Variants in CFAP43 observed in about 807,000 individuals in gnomAD.
CFAP43 encodes the protein cilia- and flagella-associated protein 43.
CFAP43 carries 155 observed loss-of-function variants against 218.9 expected under a neutral mutation model. The ratio of observed to expected loss-of-function variants is 0.71; its 90% CI spans 0.62 to 0.81. The LOEUF (loss-of-function observed/expected upper bound fraction) is 0.81, where lower values mean the gene tolerates loss of function less well. CFAP43 is among the 30% of genes least tolerant of loss of function. CFAP43 has a pLI of 0.00. For missense variants in CFAP43, 1,778 were observed against 1,954.3 expected (o/e 0.91, Z 1.70); for synonymous variants, 645 against 681.3 (o/e 0.95, Z 0.83).
chr10:104,132,623 C>CA (rs2087252096), intron 35 of CFAP43: 4 of 984,822 alleles, frequency 4.1e-6, no homozygotes, highest in Middle Eastern at 5.2e-4. Context: ...TCAAAAAAAA[C>CA]AAAAAAAGAT....
chr10:104,182,225 A>G, intron 17 of CFAP43, 141 bp downstream of exon 17: 2 of 884,266 alleles, frequency 2.3e-6, no homozygotes, highest in South Asian at 4.6e-5. Flanking sequence ...GACGTAGCTT[A>G]TTCCCTTTTT....
At chr10:104,227,431 T>A (rs540230075) in intron 2 of CFAP43, among the ~76,000 whole-genome samples, 1 of 152,370 alleles carries the variant, frequency 6.6e-6, no homozygotes, top group South Asian at 2.1e-4. Flanking sequence ...CACTGCATTC[T>A]ACCTAGCAAT....
intron 22 of CFAP43, 59 bp from the exon 23 acceptor site, chr10:104,166,777 A>G: frequency 7.0e-7 from 1 of 1,418,706 alleles, no homozygotes. Context: ...TCTAAAGGGA[A>G]ATTTTGTGAC....
intron 7 of CFAP43, among the ~76,000 whole-genome samples, chr10:104,205,422 T>A (rs1321145451): frequency 6.6e-6 from 1 of 152,100 alleles, no homozygotes; most frequent in Non-Finnish European, 1.5e-5. Flanking sequence ...ATGTCAATAG[T>A]TTCTATTTGA....
At position 104,192,242 on chromosome 10, in the gene CFAP43, G is replaced by A; in HGVS notation, c.1503C>T (p.Ile501=). The change falls in exon 12 of 38, where the codon ATC becomes ATT. Residue 501 remains isoleucine (I), a synonymous_variant. Transcript: ENST00000357060. The part of the protein sequence containing the change: ...VGTAEGKVFI[I]NANSSSSFQI... ...GAAATGAGCTTGAGGAGTTGGCATT[G>A]ATAATAAAGACTTTTCCTTCTGCTG... 6.2e-7 allele frequency: 1 copy of A among 1,613,066 alleles called. No individual in the cohort carries two copies. The highest frequency in any genetic ancestry group is 2.2e-5 in the East Asian group (1 of 44,766).
intron 6 of CFAP43, among the ~76,000 whole-genome samples, 181 bp from the exon 7 acceptor site, chr10:104,206,211 T>C (rs1247014442): frequency 6.6e-6 from 1 of 151,994 alleles, no homozygotes; most frequent in Non-Finnish European, 1.5e-5. Flanking sequence ...CTGGAGGGTA[T>C]AGTAGGAGTA....
At chr10:104,136,637 G>T (rs958974087) in intron 34 of CFAP43, among the ~76,000 whole-genome samples, 2 of 152,056 alleles carry the variant, frequency 1.3e-5, no homozygotes, top group Non-Finnish European at 2.9e-5. Flanking sequence ...AAAGTGCTGG[G>T]ATTACAGGCA....
At chr10:104,205,212 CAAAAAA>C (rs71022723) in intron 7 of CFAP43, among the ~76,000 whole-genome samples, 3 of 56,572 alleles carry the variant, frequency 5.3e-5, no homozygotes, top group Non-Finnish European at 6.8e-5. Flanking sequence ...GACTCCGTCT[CAAAAAA>C]AAAAAAAAAA....
chr10:104,216,223 C>A (rs2091008050), intron 3 of CFAP43, among the ~76,000 whole-genome samples: 1 of 152,208 alleles, frequency 6.6e-6, no homozygotes, highest in African/African-American at 2.4e-5. Context: ...TCCACAGATA[C>A]CTGCCTTCAT....
At chr10:104,196,302 T>C (rs1171323447) in intron 10 of CFAP43, among the ~76,000 whole-genome samples, 1 of 152,246 alleles carries the variant, frequency 6.6e-6, no homozygotes, top group African/African-American at 2.4e-5. Flanking sequence ...AATTTTTGGC[T>C]TAAGCTGGTT....
chr10:104,186,040 T>C lies in CFAP43; in HGVS notation c.1944A>G (p.Ser648=), dbSNP rs1410988388. ...QYGPGLLYLS[S]HGLWLITIAK... is the part of the protein sequence containing the mutation. The stretch of plus-strand genomic sequence containing the variant: ...CTATTGTTATGAGCCACAATCCATG[T>C]GAAGACAGATAGAGCAGTCCAGGTC... Residue 648 remains serine (S), a synonymous_variant, in exon 15 of 38, where the codon TCA becomes TCG. Transcript: ENST00000357060. The C allele has an allele frequency of 6.2e-7, 1 of 1,610,920 alleles. No individual in the cohort carries two copies. Among genetic ancestry groups the C allele is most frequent in the African/African-American group, 1.3e-5 (1 of 74,810 alleles).
chr10:104,185,128 G>T lies in CFAP43; in HGVS notation c.2029C>A (p.Arg677=). Residue 677 remains arginine, a synonymous_variant, in exon 16 of 38, where the codon CGG becomes AGG. Coordinates refer to ENST00000357060, the MANE Select transcript of CFAP43 (RefSeq NM_025145.7). ...VYTLETFAWC[R]SHSHQGHGIQ... ...CCATGACCCTGGTGAGAATGACTCC[G>T]ACACCAAGCAAATGTTTCCTCAATA... The T allele has an allele frequency of 1.2e-6, 2 of 1,613,720 alleles. No individual in the cohort carries two copies. Among genetic ancestry groups the T allele is most frequent in the South Asian group, 2.2e-5 (2 of 91,008 alleles).
Position 104,152,727 on chromosome 10 carries a change from C to G in CFAP43, c.3541-1G>C. The stretch of plus-strand genomic sequence containing the variant: ...GTTTCTTCAGTTCTGCTTCTAATGA[C>G]TAAAAGGAAAACAATAGTAAAGTTA... On this transcript the variant is annotated splice_acceptor_variant, in intron 27 of 37. Coordinates refer to ENST00000357060, the MANE Select transcript of CFAP43 (RefSeq NM_025145.7). LOFTEE classifies it high-confidence loss of function. 1 of 1,605,642 alleles carries G rather than the reference C, an allele frequency of 6.2e-7. No homozygotes were observed. Among genetic ancestry groups the G allele is most frequent in the Non-Finnish European group, 8.5e-7 (1 of 1,177,894 alleles).
chr10:104,160,425 G>A (rs2088810100), intron 27 of CFAP43, among the ~76,000 whole-genome samples: 1 of 152,188 alleles, frequency 6.6e-6, no homozygotes, highest in Non-Finnish European at 1.5e-5. Context: ...TTGAATGATG[G>A]TATGACTTTA....
At position 104,143,867 on chromosome 10, in the gene CFAP43, A is replaced by G. The variant is rs1295339847; in HGVS notation, c.3945-228T>C. ...GGCTAGACTACAGATGTCTCCAACT[A>G]TTGTCAGCACTGACAGACAATTGTG... On this transcript the variant is annotated intron_variant, in intron 31 of 37. Transcript: ENST00000357060. Among the ~76,000 whole-genome samples the G allele has an allele frequency of 3.3e-5, 5 of 152,146 alleles. No individual in the cohort carries two copies. The South Asian group carries it at 8.3e-4, about 25-fold the overall frequency.
rs1443286739 is a variant in CFAP43, at chr10:104,162,255, T to C, written c.3333+62A>G. 4.0e-6 allele frequency: 6 copies of C among 1,503,624 alleles called. No homozygotes were observed. The South Asian group carries it at 4.5e-5, about 11-fold the overall frequency. 93.1% of individuals were successfully genotyped at this position (1,503,624 alleles called of 1,614,324 possible). A position where few individuals can be genotyped will look rare whatever the true frequency, so the allele number is the denominator to read the frequency against. ...GTGTTGATGGGTTATTAAACCAAAC[T>C]AGGAAGCAGTATCCCTAAAGCAAAG... On this transcript the variant is annotated intron_variant, in intron 25 of 37. Transcript: ENST00000357060.
intron 22 of CFAP43, 170 bp downstream of exon 22, chr10:104,167,451 G>A (rs76781959): frequency 0.015 from 6,202 of 423,428 alleles, 62 homozygotes; most frequent in Middle Eastern, 0.025. Flanking sequence ...TTATTGTGTG[G>A]ATATAGGCTC....
intron 16 of CFAP43, among the ~76,000 whole-genome samples, chr10:104,183,637 C>A (rs989046802): frequency 6.6e-6 from 1 of 152,164 alleles, no homozygotes; most frequent in Non-Finnish European, 1.5e-5. Flanking sequence ...GATCCACCCG[C>A]CTCAGCCTCC....
chr10:104,208,165 G>T (rs1452915326), intron 5 of CFAP43, among the ~76,000 whole-genome samples: 1 of 152,164 alleles, frequency 6.6e-6, no homozygotes, highest in Non-Finnish European at 1.5e-5. Flanking sequence ...GTCTGATTGA[G>T]ATTTGACTCA....
Sources: allele counts gnomAD v4.1 joint callset (sites outside exome capture counted in the v4.1 genomes callset), GRCh38; gene constraint gnomAD v4.1.1; transcripts MANE v1.5; gene names NCBI Gene and HGNC (gene_info 2026-07-23, HGNC 2026-07-21).